The following DPM1 variants were observed in gnomAD, a reference collection of about 807,000 sequenced individuals.
The protein encoded by DPM1 is dolichyl-phosphate mannosyltransferase subunit 1, catalytic.
In DPM1, 27 loss-of-function variants were observed where a neutral mutation model predicts 39.0. That is an observed-to-expected ratio of 0.69 (90% CI 0.51 to 0.95). The LOEUF is 0.95. Among genes scored for constraint, DPM1 ranks in the 40% least tolerant of loss-of-function variants. The pLI is 0.00. For missense variants in DPM1, 307 were observed against 315.6 expected (o/e 0.97, Z 0.21); for synonymous variants, 124 against 109.0 (o/e 1.14, Z -0.86).
Position 50,958,354 on chromosome 20 carries a change from G to A in DPM1, c.161+9C>T. The A allele has an allele frequency of 1.9e-6, 3 of 1,612,976 alleles. No individual in the cohort carries two copies. The highest frequency in any genetic ancestry group is 1.1e-5 in the South Asian group (1 of 91,070). ...CTCATTCTTCGGGGAGGGAGACCTG[G>A]TGCGCTACCTCTCGGAGAAGCTTTT... On this transcript the variant is annotated intron_variant, in intron 1 of 8. Coordinates refer to ENST00000371588, the MANE Select transcript of DPM1 (RefSeq NM_003859.3).
intron 7 of DPM1, among the ~76,000 whole-genome samples, chr20:50,937,894 T>A (rs576929591): frequency 6.6e-6 from 1 of 152,182 alleles, no homozygotes; most frequent in East Asian, 1.9e-4. Flanking sequence ...AGAGCTGGGG[T>A]CTTAAACTCC....
At chr20:50,953,568 A>AG (rs1427270782) in intron 2 of DPM1, among the ~76,000 whole-genome samples, 6 of 152,356 alleles carry the variant, frequency 3.9e-5, no homozygotes, top group African/African-American at 1.2e-4. Flanking sequence ...TGAATGAATA[A>AG]GGAATTTTAT....
intron 1 of DPM1, among the ~76,000 whole-genome samples, chr20:50,957,700 G>T (rs781391923): frequency 6.6e-6 from 1 of 152,196 alleles, no homozygotes; most frequent in Non-Finnish European, 1.5e-5. Flanking sequence ...AGTCTTCAAA[G>T]ATTTCACAGC....
intron 7 of DPM1, among the ~76,000 whole-genome samples, chr20:50,939,388 C>T (rs957061613): frequency 3.3e-5 from 5 of 151,540 alleles, no homozygotes; most frequent in African/African-American, 4.9e-5. Context: ...TTTTTTTAGA[C>T]GGAGTCCCAC....
intron 7 of DPM1, among the ~76,000 whole-genome samples, chr20:50,937,189 A>G (rs983824486): frequency 1.3e-5 from 2 of 152,176 alleles, no homozygotes; most frequent in African/African-American, 4.8e-5. Context: ...ATCTGGACCT[A>G]CTGTGCCTCA....
At chr20:50,935,267 C>T in intron 8 of DPM1, 31 bp from the exon 9 acceptor site, 12 of 1,385,680 alleles carry the variant, frequency 8.7e-6, no homozygotes, top group Non-Finnish European at 1.0e-5. Flanking sequence ...TAACGTTAGT[C>T]TTTAAAAACA....
In DPM1 at chr20:50,958,415, G is replaced by C; in HGVS notation, c.109C>G (p.Arg37Gly). ...YSVLLPTYNE[R>G]ENLPLIVWLL... Reference sequence around the variant, plus strand: ...CACACGATGAGCGGCAGGTTCTCGCGCTCGTTGTAGGTAGGTAAAAGCACC... The same window carrying C: ...CACACGATGAGCGGCAGGTTCTCGCCCTCGTTGTAGGTAGGTAAAAGCACC... Residue 37 changes from arginine (R) to glycine (G), a missense_variant, in exon 1 of 9, where the codon CGC becomes GGC. By Grantham distance (125) the Arg-to-Gly change is moderately radical. Transcript: ENST00000371588. 6.2e-7 allele frequency: 1 copy of C among 1,614,062 alleles called. No individual in the cohort carries two copies. Among genetic ancestry groups the C allele is most frequent in the Non-Finnish European group, 8.5e-7 (1 of 1,180,030 alleles).
intron 2 of DPM1, among the ~76,000 whole-genome samples, chr20:50,952,200 G>A (rs1287536641): frequency 6.6e-6 from 1 of 152,276 alleles, no homozygotes; most frequent in East Asian, 1.9e-4. Context: ...AAGAATGACA[G>A]GCATATACTT....
At position 50,945,284 on chromosome 20, in the gene DPM1, TTGTGTGTGTGTGTGTGTG is replaced by T. The variant is rs11474633; in HGVS notation, c.398+435_398+452del. ...TACATCATTTAGTCTCAAATGTGTGTTGTGTGTGTGTGTGTGTGTGTGTGTGTGTGTGTGTGTGTCTAC... is the reference window on the plus strand; with the variant it reads ...TACATCATTTAGTCTCAAATGTGTGTTGTGTGTGTGTGTGTGTGTGTCTAC... On this transcript the variant is annotated intron_variant, in intron 5 of 8. Transcript: ENST00000371588. The T allele has an allele frequency of 3.7e-4, 58 of 157,092 alleles. 1 individual carries two copies. Among genetic ancestry groups the T allele is most frequent in the South Asian group, 2.2e-3 (12 of 5,536 alleles). The allele number at this position is 157,092 out of a possible 1,614,324, so 9.7% of individuals were successfully genotyped here. A position where few individuals can be genotyped will look rare whatever the true frequency, so the allele number is the denominator to read the frequency against.
intron 6 of DPM1, 72 bp downstream of exon 6, chr20:50,941,959 T>C: frequency 7.7e-7 from 1 of 1,291,124 alleles, no homozygotes; most frequent in South Asian, 1.2e-5. Context: ...GCATGATAGC[T>C]AATCCAAATA....
intron 1 of DPM1, among the ~76,000 whole-genome samples, chr20:50,957,859 A>G (rs1240886895): frequency 1.3e-5 from 2 of 152,136 alleles, no homozygotes; most frequent in Non-Finnish European, 2.9e-5. Flanking sequence ...AACATCCACC[A>G]GTGATCAGCG....
chr20:50,955,314 TG>T, intron 1 of DPM1, 29 bp from the exon 2 acceptor site: 1 of 1,447,154 alleles, frequency 6.9e-7, no homozygotes, highest in Non-Finnish European at 9.7e-7. Flanking sequence ...TATTAATGAC[TG>T]ATGACAGTGT....
rs781126720 is a variant in DPM1, at chr20:50,958,493, G to T, written c.31C>A (p.Arg11Ser). 1.2e-6 allele frequency: 2 copies of T among 1,613,830 alleles called. No individual in the cohort carries two copies. The highest frequency in any genetic ancestry group is 4.5e-5 in the East Asian group (2 of 44,846). MASLEVSRSPRRSRRELEVRS... is the reference protein window; with the variant it reads MASLEVSRSPSRSRRELEVRS... ...ACTTCCAGCTCCCGCCGAGACCTGC[G>T]AGGACTACGACTGACTTCCAAGGAG... Residue 11 changes from arginine to serine, a missense_variant, in exon 1 of 9, where the codon CGC becomes AGC. By Grantham distance (110) the Arg-to-Ser change is moderately radical. This residue lies in a region of DPM1 where 206 missense variants were observed against 188.2 expected (regional missense o/e 1.09). Coordinates refer to ENST00000371588, the MANE Select transcript of DPM1 (RefSeq NM_003859.3).
At chr20:50,953,868 T>C (rs1465608706) in intron 2 of DPM1, among the ~76,000 whole-genome samples, 1 of 152,222 alleles carries the variant, frequency 6.6e-6, no homozygotes, top group Non-Finnish European at 1.5e-5. Context: ...AACAGGGAAC[T>C]ACTGGCCAAA....
rs1985864790 is a variant in DPM1, at chr20:50,941,943, C to A, written c.494+88G>T. ...AGTTATAACCTGATCCCACAAATCC[C>A]GGGCAGCATGATAGCTAATCCAAAT... On this transcript the variant is annotated intron_variant, in intron 6 of 8. Transcript: ENST00000371588. 3.5e-6 allele frequency: 4 copies of A among 1,147,972 alleles called. No homozygotes were observed. In the Admixed American group the frequency reaches 6.8e-5, roughly 19 times the overall value. 71.1% of individuals were successfully genotyped at this position (1,147,972 alleles called of 1,614,324 possible).
Position 50,940,907 on chromosome 20 carries a change from A to G in DPM1, c.521T>C (p.Ile174Thr), listed in dbSNP as rs1985670950. 1 of 1,613,950 alleles carries G rather than the reference A, an allele frequency of 6.2e-7. No homozygotes were observed. Among genetic ancestry groups the G allele is most frequent in the Non-Finnish European group, 8.5e-7 (1 of 1,180,006 alleles). Residue 174 changes from isoleucine (I) to threonine (T), a missense_variant, in exon 7 of 9, where the codon ATC becomes ACC. This residue lies in a region of DPM1 where 31 missense variants were observed against 58.0 expected (regional missense o/e 0.53). Transcript: ENST00000371588. Reference sequence around the variant, plus strand: ...ATCAGATGCTCCTGGTCTCAGCAAGATCTGAGTTAAAAAATTGGCCCCACG... The same window carrying G: ...ATCAGATGCTCCTGGTCTCAGCAAGGTCTGAGTTAAAAAATTGGCCCCACG... ...ISRGANFLTQILLRPGASDLT... is the reference protein window; with the variant it reads ...ISRGANFLTQTLLRPGASDLT...
chr20:50,940,553 T>G (rs961372146), intron 7 of DPM1, among the ~76,000 whole-genome samples: 1 of 152,222 alleles, frequency 6.6e-6, no homozygotes, highest in Non-Finnish European at 1.5e-5. Flanking sequence ...TCATATGAAA[T>G]GCAGAAAATT....
At position 50,940,881 on chromosome 20, in the gene DPM1, A is replaced by G; in HGVS notation, c.547T>C (p.Leu183=). 6.2e-7 allele frequency: 1 copy of G among 1,614,038 alleles called. No individual in the cohort carries two copies. The highest frequency in any genetic ancestry group is 8.5e-7 in the Non-Finnish European group (1 of 1,179,954). The change falls in exon 7 of 9, where the codon TTA becomes CTA. Residue 183 remains leucine (L), a synonymous_variant. Transcript: ENST00000371588. ...QILLRPGASD[L]TGSFRLYRKE... Reference sequence around the variant, plus strand: ...TCACTGTACCTGAAACTTCCTGTTAAATCAGATGCTCCTGGTCTCAGCAAG... The same window carrying G: ...TCACTGTACCTGAAACTTCCTGTTAGATCAGATGCTCCTGGTCTCAGCAAG...
chr20:50,955,368 A>T, intron 1 of DPM1, 83 bp from the exon 2 acceptor site: 1 of 958,758 alleles, frequency 1.0e-6, no homozygotes. Flanking sequence ...ATTCCTTAAA[A>T]GTATAAATGG....
Sources: allele counts gnomAD v4.1 joint callset (sites outside exome capture counted in the v4.1 genomes callset), GRCh38; gene constraint gnomAD v4.1.1; regional missense constraint gnomAD v4.1.1; transcripts MANE v1.5; gene names NCBI Gene and HGNC (gene_info 2026-07-23, HGNC 2026-07-21).